Variants in DCAF6 observed in about 807,000 individuals in gnomAD.
DCAF6 encodes the protein DDB1 and CUL4 associated factor 6.
DCAF6 carries 54 observed loss-of-function variants against 125.1 expected under a neutral mutation model. The ratio of observed to expected loss-of-function variants is 0.43; its 90% CI spans 0.35 to 0.54. DCAF6 has a LOEUF of 0.54. DCAF6 is among the 20% of genes least tolerant of loss of function. The pLI, the probability that DCAF6 is intolerant of heterozygous loss-of-function variation, is 0.01. For synonymous variants in DCAF6, 371 were observed against 390.4 expected (o/e 0.95, Z 0.58); for missense variants, 934 against 1,161.7 (o/e 0.80, Z 2.85).
rs1671293109 is a variant in DCAF6, at chr1:167,936,784, ACGCTGCGCCCTGGAGG to A, written c.-126_-111del. ...GCGCCGCTGCTGCCACCGCCATCTA[ACGCTGCGCCCTGGAGG>A]CCCGGCGCGCGGATGGTGCCGGTGC... On this transcript the variant is annotated 5_prime_UTR_variant, in exon 1 of 22. Transcript: ENST00000367840. 1.2e-6 allele frequency: 1 copy of A among 814,368 alleles called. No homozygotes were observed. The highest frequency in any genetic ancestry group is 2.0e-6 in the Non-Finnish European group (1 of 510,810). 50.4% of individuals were successfully genotyped at this position (814,368 alleles called of 1,614,324 possible).
the DCAF6 span, among the ~76,000 whole-genome samples, chr1:167,908,446 CA>C: frequency 6.6e-6 from 1 of 152,042 alleles, no homozygotes; most frequent in Non-Finnish European, 1.5e-5. Context: ...TACAAAGTTT[CA>C]ATTAGACCCA....
At chr1:168,017,228 T>G (rs1274214000) in intron 11 of DCAF6, among the ~76,000 whole-genome samples, 6 of 150,358 alleles carry the variant, frequency 4.0e-5, no homozygotes, top group African/African-American at 4.9e-5. Context: ...ACATTTTTGT[T>G]TTTTTTTTTG....
intron 4 of DCAF6, among the ~76,000 whole-genome samples, chr1:167,976,992 C>T (rs1442215002): frequency 1.4e-5 from 2 of 144,038 alleles, no homozygotes; most frequent in African/African-American, 5.2e-5. Context: ...CAACCTCTGC[C>T]TCCTGGGTTC....
chr1:167,979,000 T>A (rs1678672679), intron 4 of DCAF6, among the ~76,000 whole-genome samples: 1 of 152,192 alleles, frequency 6.6e-6, no homozygotes. Flanking sequence ...TCTGCTCCTT[T>A]ATGATTAGTA....
intron 12 of DCAF6, among the ~76,000 whole-genome samples, chr1:168,024,621 C>G (rs1686092687): frequency 6.6e-6 from 1 of 152,010 alleles, no homozygotes; most frequent in African/African-American, 2.4e-5. Context: ...ACCTGGCCAA[C>G]ATGGTGAAAC....
At chr1:167,920,222 T>G in the DCAF6 span, 2 of 625,538 alleles carry the variant, frequency 3.2e-6, no homozygotes, top group African/African-American at 1.9e-5. Flanking sequence ...ACTCTGAATT[T>G]TCAATGTTTC....
At chr1:168,009,130 C>T (rs1163067205) in intron 10 of DCAF6, among the ~76,000 whole-genome samples, 6 of 151,370 alleles carry the variant, frequency 4.0e-5, no homozygotes, top group Non-Finnish European at 5.9e-5. Flanking sequence ...TCCCAAGTAG[C>T]TGGGACTACA....
chr1:168,059,542 A>G (rs1691325156), intron 17 of DCAF6, among the ~76,000 whole-genome samples: 2 of 152,238 alleles, frequency 1.3e-5, no homozygotes, highest in African/African-American at 4.8e-5. Context: ...TTCTACAAAT[A>G]AGTCATCAGA....
chr1:167,916,246 G>A, the DCAF6 span, among the ~76,000 whole-genome samples: 2 of 152,082 alleles, frequency 1.3e-5, no homozygotes, highest in African/African-American at 4.8e-5. Context: ...TGCTCTTGTC[G>A]CCCAGGCTGG....
At chr1:167,918,695 G>A in the DCAF6 span, among the ~76,000 whole-genome samples, 13 of 150,394 alleles carry the variant, frequency 8.6e-5, no homozygotes, top group Middle Eastern at 3.5e-3. Flanking sequence ...CCGGGTTCAC[G>A]CCATTCTCCT....
Position 168,002,551 on chromosome 1 carries a change from C to T in DCAF6, c.973C>T (p.Pro325Ser). ...DWSDTGPRARPESERERDGEQ... is the reference protein window; with the variant it reads ...DWSDTGPRARSESERERDGEQ... ...GTCAGATACTGGACCCAGAGCAAGG[C>T]CGGAGAGTGAACGAGAACGAGATGG... The change falls in exon 8 of 22, where the codon CCG becomes TCG. Residue 325 changes from proline to serine, a missense_variant. By Grantham distance (74) the Pro-to-Ser change is moderately conservative (BLOSUM62 -1). This residue lies in a region of DCAF6 where 559 missense variants were observed against 635.5 expected (regional missense o/e 0.88). Coordinates refer to ENST00000367840, the MANE Select transcript of DCAF6 (RefSeq NM_001198956.2). 4 of 1,612,780 alleles carry T rather than the reference C, an allele frequency of 2.5e-6. No individual in the cohort carries two copies. The highest frequency in any genetic ancestry group is 3.4e-6 in the Non-Finnish European group (4 of 1,179,084).
chr1:167,999,692 A>G (rs769831866), intron 7 of DCAF6, among the ~76,000 whole-genome samples: 6 of 152,138 alleles, frequency 3.9e-5, no homozygotes, highest in Non-Finnish European at 5.9e-5. Flanking sequence ...CTTTTATTCT[A>G]CAGCTCCCTT....
chr1:167,961,692 T>G (rs2102792776), intron 2 of DCAF6, among the ~76,000 whole-genome samples: 1 of 152,334 alleles, frequency 6.6e-6, no homozygotes, highest in African/African-American at 2.4e-5. Context: ...AGTATGGTGT[T>G]GAAACGAAGT....
upstream of DCAF6, among the ~76,000 whole-genome samples, chr1:167,935,212 G>A (rs372142933): frequency 7.7e-4 from 118 of 152,308 alleles, 1 homozygote; most frequent in South Asian, 0.023. Flanking sequence ...CCTATGGGAT[G>A]AGAAATGACA....
the DCAF6 span, among the ~76,000 whole-genome samples, chr1:167,925,459 A>G: frequency 4.4e-5 from 5 of 113,910 alleles, no homozygotes; most frequent in African/African-American, 2.0e-4. Context: ...ATATATATAT[A>G]TATATATATA....
the DCAF6 span, among the ~76,000 whole-genome samples, chr1:167,914,714 CAT>C: frequency 1.2e-4 from 18 of 152,298 alleles, no homozygotes; most frequent in Admixed American, 6.5e-4. Context: ...CAGCTTAAAT[CAT>C]GTGTTGATTT....
chr1:167,884,574 C>T, the DCAF6 span, among the ~76,000 whole-genome samples: 5 of 152,026 alleles, frequency 3.3e-5, no homozygotes, highest in South Asian at 4.2e-4. Context: ...AGGTCTTTCT[C>T]ATTCTTTCTC....
Position 168,035,170 on chromosome 1 carries a change from G to C in DCAF6, c.1610-3201G>C, listed in dbSNP as rs189023893. Among the ~76,000 whole-genome samples the C allele has an allele frequency of 1.3e-3, 194 of 152,320 alleles. 2 individuals are homozygous for C. Among genetic ancestry groups the C allele is most frequent in the African/African-American group, 4.4e-3 (184 of 41,576 alleles). ...GTCACTAATACTGCAGTTGGGCCAA[G>C]TGCGGTGGCTCACACCTGTACTCCC... On this transcript the variant is annotated intron_variant, in intron 12 of 21. Transcript: ENST00000367840.
rs2103085415 is a variant in DCAF6 at position 168,004,710 on chromosome 1, A to G, written c.1295A>G (p.His432Arg). The G allele has an allele frequency of 1.2e-6, 2 of 1,614,056 alleles. No individual in the cohort carries two copies. The highest frequency in any genetic ancestry group is 2.7e-5 in the African/African-American group (2 of 75,050). Residue 432 changes from histidine (H) to arginine (R), a missense_variant, in exon 10 of 22, where the codon CAT becomes CGT. Physicochemically the swap from His to Arg is conservative, Grantham distance 29. This residue lies in a region of DCAF6 where 559 missense variants were observed against 635.5 expected (regional missense o/e 0.88). Coordinates refer to ENST00000367840, the MANE Select transcript of DCAF6 (RefSeq NM_001198956.2). ...ACATCATCTCCCACAGAAAGCCCTC[A>G]TTCTACTCCTTTGCTATCTTCTCCA... is the stretch of plus-strand genomic sequence containing the variant. ...HSTSSPTESP[H>R]STPLLSSPDS...
Sources: allele counts gnomAD v4.1 joint callset (sites outside exome capture counted in the v4.1 genomes callset), GRCh38; gene constraint gnomAD v4.1.1; regional missense constraint gnomAD v4.1.1; transcripts MANE v1.5; gene names NCBI Gene and HGNC (gene_info 2026-07-23, HGNC 2026-07-21).